DPP10: variants seen among roughly 807,000 people sequenced by gnomAD.
DPP10 encodes dipeptidyl peptidase like 10, also known as inactive dipeptidyl peptidase 10.
Under a neutral mutation model 120.9 loss-of-function variants are expected in DPP10, and 33 were observed. The observed-to-expected ratio is 0.27, with a 90% CI of 0.21 to 0.37. The LOEUF (loss-of-function observed/expected upper bound fraction) is 0.37, where lower values mean the gene tolerates loss of function less well. Among genes scored for constraint, DPP10 ranks in the 10% least tolerant of loss-of-function variants. DPP10 has a pLI of 1.00. For missense variants in DPP10, 816 were observed against 942.8 expected (o/e 0.87, Z 1.76); for synonymous variants, 337 against 326.1 (o/e 1.03, Z -0.36).
At chr2:114,936,463 A>G (rs1350811673) in intron 1 of DPP10, among the ~76,000 whole-genome samples, 5 of 151,872 alleles carry the variant, frequency 3.3e-5, no homozygotes, top group African/African-American at 1.2e-4. Context: ...ATATACATAA[A>G]CATATATATT....
intron 1 of DPP10, among the ~76,000 whole-genome samples, chr2:115,005,762 G>A (rs1372377522): frequency 6.6e-6 from 1 of 151,996 alleles, no homozygotes; most frequent in African/African-American, 2.4e-5. Context: ...GAAAGTGATG[G>A]GGAGAATGGA....
chr2:115,592,125 G>A (rs1311337906), intron 5 of DPP10, among the ~76,000 whole-genome samples: 1 of 152,116 alleles, frequency 6.6e-6, no homozygotes, highest in Non-Finnish European at 1.5e-5. Context: ...GAGAAAAGAT[G>A]TACAAATTTA....
At chr2:115,729,686 G>A (rs7558601) in intron 8 of DPP10, among the ~76,000 whole-genome samples, 72,056 of 151,676 alleles carry the variant, frequency 0.48, 18,678 homozygotes, top group African/African-American at 0.68. Flanking sequence ...AATGAGAGAG[G>A]ATTGCTTGAG....
At chr2:115,033,649 T>G (rs1364503399) in intron 1 of DPP10, among the ~76,000 whole-genome samples, 1 of 151,848 alleles carries the variant, frequency 6.6e-6, no homozygotes, top group African/African-American at 2.4e-5. Context: ...CACATTCTAC[T>G]CTAATTGTAT....
At chr2:115,210,032 A>G (rs1351551815) in intron 1 of DPP10, among the ~76,000 whole-genome samples, 1 of 151,816 alleles carries the variant, frequency 6.6e-6, no homozygotes, top group Non-Finnish European at 1.5e-5. Flanking sequence ...TTTTTTATAT[A>G]TATTATACTT....
intron 1 of DPP10, among the ~76,000 whole-genome samples, chr2:114,974,288 G>T (rs2104809285): frequency 6.6e-6 from 1 of 152,192 alleles, no homozygotes; most frequent in South Asian, 2.1e-4. Context: ...GGTATGTTTA[G>T]ATACACAAAT....
At chr2:115,499,636 T>C (rs1558762152) in intron 4 of DPP10, 32 bp downstream of exon 4, 1 of 1,522,340 alleles carries the variant, frequency 6.6e-7, no homozygotes, top group Non-Finnish European at 9.1e-7. Context: ...ACTTTATGCA[T>C]TTCAGTACTG....
At chr2:114,859,369 A>T (rs1167941528) in intron 1 of DPP10, among the ~76,000 whole-genome samples, 1 of 145,642 alleles carries the variant, frequency 6.9e-6, no homozygotes, top group Non-Finnish European at 1.5e-5. Context: ...ACTCCGTCAA[A>T]AAAAAAAAAA....
intron 3 of DPP10, among the ~76,000 whole-genome samples, chr2:115,476,766 T>A (rs1462382432): frequency 6.6e-6 from 1 of 152,114 alleles, no homozygotes; most frequent in African/African-American, 2.4e-5. Context: ...ACAGAAATAC[T>A]CAACAAAATA....
intron 1 of DPP10, among the ~76,000 whole-genome samples, chr2:114,917,703 G>A (rs1694907799): frequency 6.6e-6 from 1 of 152,064 alleles, no homozygotes; most frequent in African/African-American, 2.4e-5. Flanking sequence ...ACAAGCAATG[G>A]GGAAAGGACT....
At chr2:115,506,872 C>T (rs1000198277) in intron 4 of DPP10, among the ~76,000 whole-genome samples, 1 of 152,176 alleles carries the variant, frequency 6.6e-6, no homozygotes, top group Admixed American at 6.6e-5. Context: ...TTTGCCTTAA[C>T]TTGTCTGAAG....
chr2:114,625,790 C>A (rs1349500627), intron 1 of DPP10, among the ~76,000 whole-genome samples: 1 of 151,882 alleles, frequency 6.6e-6, no homozygotes, highest in Admixed American at 6.6e-5. Flanking sequence ...TGGGAAGTTT[C>A]TTGTCAACAT....
intron 1 of DPP10, among the ~76,000 whole-genome samples, chr2:115,058,529 C>T (rs893679845): frequency 6.6e-6 from 1 of 152,022 alleles, no homozygotes; most frequent in African/African-American, 2.4e-5. Context: ...CCTCCTGAGT[C>T]GCTGGGATTA....
At chr2:115,709,854 A>T (rs2092260487) in intron 7 of DPP10, among the ~76,000 whole-genome samples, 1 of 152,112 alleles carries the variant, frequency 6.6e-6, no homozygotes, top group Non-Finnish European at 1.5e-5. Context: ...GAGAGAATGG[A>T]GCAGGAAAAA....
intron 1 of DPP10, among the ~76,000 whole-genome samples, chr2:114,783,850 C>CAA (rs2106205879): frequency 6.6e-6 from 1 of 152,008 alleles, no homozygotes; most frequent in East Asian, 1.9e-4. Context: ...CTCCCTCCCC[C>CAA]TATATATATT....
intron 1 of DPP10, among the ~76,000 whole-genome samples, chr2:114,604,827 T>G (rs1692657931): frequency 6.6e-6 from 1 of 152,134 alleles, no homozygotes; most frequent in Non-Finnish European, 1.5e-5. Context: ...TGTCTGTCTC[T>G]TTCTTTAATC....
At chr2:115,690,045 T>C in intron 7 of DPP10, 124 bp downstream of exon 7, 3 of 785,532 alleles carry the variant, frequency 3.8e-6, no homozygotes, top group Non-Finnish European at 6.0e-6. Context: ...CCCTAAGTCC[T>C]TTATATCTTT....
intron 7 of DPP10, among the ~76,000 whole-genome samples, chr2:115,720,271 A>G (rs1277525075): frequency 6.6e-6 from 1 of 152,170 alleles, no homozygotes; most frequent in Admixed American, 6.5e-5. Flanking sequence ...TTGCTTATAT[A>G]TACTCCTACT....
At chr2:114,920,858 A>C (rs1474749814) in intron 1 of DPP10, among the ~76,000 whole-genome samples, 1 of 152,182 alleles carries the variant, frequency 6.6e-6, no homozygotes, top group African/African-American at 2.4e-5. Context: ...TTGGGTACAC[A>C]TGGCAATACA....
Sources: allele counts gnomAD v4.1 joint callset (sites outside exome capture counted in the v4.1 genomes callset), GRCh38; gene constraint gnomAD v4.1.1; transcripts MANE v1.5; gene names NCBI Gene and HGNC (gene_info 2026-07-23, HGNC 2026-07-21).